Variants in CFAP92 observed in about 807,000 individuals in gnomAD.
The protein encoded by CFAP92 is cilia and flagella associated protein 92 (putative).
CFAP92 carries 86 observed loss-of-function variants against 106.3 expected under a neutral mutation model. The observed-to-expected ratio is 0.81, with a 90% CI of 0.68 to 0.97. CFAP92 has a LOEUF of 0.97. CFAP92 is among the 50% of genes least tolerant of loss of function. The probability of loss-of-function intolerance (pLI) is 0.00; values close to 1 mark genes in which losing one functional copy is unlikely to be tolerated. For missense variants in CFAP92, 1,204 were observed against 1,283.8 expected (o/e 0.94, Z 0.95); for synonymous variants, 477 against 506.4 (o/e 0.94, Z 0.78).
At chr3:129,000,795 G>C (rs1005539244) in intron 1 of CFAP92, among the ~76,000 whole-genome samples, 1 of 152,208 alleles carries the variant, frequency 6.6e-6, no homozygotes. Flanking sequence ...AGGGCCGGGA[G>C]ACACCACTTT....
chr3:128,947,205 G>A (rs1156516556), intron 9 of CFAP92, among the ~76,000 whole-genome samples: 4 of 151,502 alleles, frequency 2.6e-5, no homozygotes, highest in Non-Finnish European at 5.9e-5. Context: ...TAAATAGGGG[G>A]TCCTGAAAAC....
At chr3:128,943,879 C>G (rs1440935089) in intron 10 of CFAP92, among the ~76,000 whole-genome samples, 1 of 136,802 alleles carries the variant, frequency 7.3e-6, no homozygotes, top group Non-Finnish European at 1.6e-5. Flanking sequence ...GACTTATTAT[C>G]TTTTGTTTAT....
chr3:128,950,771 G>C (rs897663545), intron 9 of CFAP92, among the ~76,000 whole-genome samples: 1 of 152,220 alleles, frequency 6.6e-6, no homozygotes, highest in Non-Finnish European at 1.5e-5. Flanking sequence ...TCACTGCCTA[G>C]GGCTTTTGCT....
chr3:128,967,343 T>C (rs1228151827), intron 8 of CFAP92: 1 of 152,148 alleles, frequency 6.6e-6, no homozygotes, highest in Non-Finnish European at 1.5e-5. Flanking sequence ...CAAAGCTGAT[T>C]CATAAAAGCT....
rs754730923 is a variant in CFAP92, at chr3:128,978,194, CAGG to C, written c.668-12_668-10del. On this transcript the variant is annotated splice_polypyrimidine_tract_variant and intron_variant, in intron 4 of 15. Transcript: ENST00000645291. ...AACCAAATGTCTCACTTCTAGAATG[CAGG>C]AGAAGAAAGGATCATTGACTCAATC... The C allele has an allele frequency of 1.9e-6, 3 of 1,610,296 alleles. No individual in the cohort carries two copies. The highest frequency in any genetic ancestry group is 2.2e-5 in the East Asian group (1 of 44,790).
chr3:128,913,220 T>C, intron 15 of CFAP92: 1 of 371,106 alleles, frequency 2.7e-6, no homozygotes, highest in African/African-American at 2.1e-5. Flanking sequence ...CCCTTTGTCC[T>C]CACCCTGCAA....
the CFAP92 span, among the ~76,000 whole-genome samples, chr3:129,016,227 G>A: frequency 6.6e-6 from 1 of 152,136 alleles, no homozygotes; most frequent in Non-Finnish European, 1.5e-5. Context: ...TCTGCATATG[G>A]ATTAAAGTCT....
At chr3:129,019,274 A>G in the CFAP92 span, among the ~76,000 whole-genome samples, 3 of 152,354 alleles carry the variant, frequency 2.0e-5, no homozygotes, top group Admixed American at 6.5e-5. Context: ...TTAGGTGTTC[A>G]GTCCACCTGG....
the CFAP92 span, among the ~76,000 whole-genome samples, chr3:129,019,189 G>C: frequency 3.7e-4 from 56 of 152,338 alleles, no homozygotes; most frequent in African/African-American, 1.3e-3. Flanking sequence ...TTTTGCCTTT[G>C]AATTCTTGAG....
rs1936077946 is a variant in CFAP92, at chr3:128,909,928, A to C, written c.*371T>G. 7.7e-6 allele frequency: 12 copies of C among 1,551,916 alleles called. No individual in the cohort carries two copies. The highest frequency in any genetic ancestry group is 1.8e-6 in the Non-Finnish European group (2 of 1,138,458). The stretch of plus-strand genomic sequence containing the variant: ...ACTCCACTTTCTCAAGGAACACAGG[A>C]GACTAAGACAGGCAAAGATGCAGCC... On this transcript the variant is annotated 3_prime_UTR_variant, in exon 16 of 16. Transcript: ENST00000645291.
At chr3:129,005,515 TAA>T (rs1181455237), upstream of CFAP92, among the ~76,000 whole-genome samples, 1 of 152,198 alleles carries the variant, frequency 6.6e-6, no homozygotes, top group Non-Finnish European at 1.5e-5. Flanking sequence ...GGAAAAGTTT[TAA>T]GTAAGGAGGT....
At chr3:128,972,790 G>A (rs1942894979) in intron 7 of CFAP92, among the ~76,000 whole-genome samples, 2 of 151,974 alleles carry the variant, frequency 1.3e-5, no homozygotes, top group South Asian at 4.2e-4. Flanking sequence ...GGGAGGCAGA[G>A]GTAGCAGTGA....
At chr3:128,967,012 A>C (rs1462763986) in intron 8 of CFAP92, 1 of 152,126 alleles carries the variant, frequency 6.6e-6, no homozygotes, top group African/African-American at 2.4e-5. Flanking sequence ...CCCAGATCTG[A>C]CTCTTTGTCA....
the CFAP92 span, among the ~76,000 whole-genome samples, chr3:129,026,668 T>A: frequency 1.3e-5 from 2 of 152,204 alleles, 1 homozygote; most frequent in East Asian, 3.9e-4. Context: ...CCCTTGAGTC[T>A]TGGAGACAGT....
At chr3:128,995,644 A>T (rs935346904), upstream of CFAP92, among the ~76,000 whole-genome samples, 1 of 152,224 alleles carries the variant, frequency 6.6e-6, no homozygotes, top group Admixed American at 6.5e-5. Context: ...AAAGGTTCCT[A>T]GATCACATCA....
the CFAP92 span, among the ~76,000 whole-genome samples, chr3:129,017,424 G>A: frequency 6.6e-6 from 1 of 152,254 alleles, no homozygotes; most frequent in Non-Finnish European, 1.5e-5. Context: ...CCAGGCGGGC[G>A]TGGCGGGCTT....
At chr3:129,022,875 G>T in the CFAP92 span, among the ~76,000 whole-genome samples, 1 of 152,224 alleles carries the variant, frequency 6.6e-6, no homozygotes, top group Non-Finnish European at 1.5e-5. Context: ...GAAAGCACAG[G>T]GCAGGGAGGT....
Position 128,945,879 on chromosome 3 carries a change from C to G in CFAP92, c.1450G>C (p.Asp484His). ...EPHGTHVYFQ[D>H]INVIFLGALH... ...GCCCCAAGGAAGATGACGTTGATGT[C>G]CTGGAAATAAACGTGGGTTCCATGG... The change falls in exon 10 of 16, where the codon GAC becomes CAC. Residue 484 changes from aspartate to histidine, a missense_variant. By Grantham distance (81) the Asp-to-His change is moderately conservative (BLOSUM62 -1). Transcript: ENST00000645291. 6.8e-7 allele frequency: 1 copy of G among 1,474,072 alleles called. No individual in the cohort carries two copies. Among genetic ancestry groups the G allele is most frequent in the Non-Finnish European group, 8.9e-7 (1 of 1,120,980 alleles). 91.3% of individuals were successfully genotyped at this position (1,474,072 alleles called of 1,614,324 possible).
At chr3:128,911,343 C>T (rs1936290918) in intron 15 of CFAP92, among the ~76,000 whole-genome samples, 1 of 152,090 alleles carries the variant, frequency 6.6e-6, no homozygotes, top group Non-Finnish European at 1.5e-5. Context: ...CAGGCATGAG[C>T]CACCGCACCG....
Sources: gnomAD v4.1 joint callset for allele counts (sites outside exome capture counted in the v4.1 genomes callset) on GRCh38, gnomAD v4.1.1 for gene constraint, MANE v1.5 for transcripts, NCBI Gene and HGNC (gene_info 2026-07-23, HGNC 2026-07-21) for gene names.